The following SNAI3 variants were observed in gnomAD, a reference collection of about 807,000 sequenced individuals.
The protein encoded by SNAI3 is zinc finger protein SNAI3.
A neutral mutation model predicts 16.4 loss-of-function variants in SNAI3; 21 were observed. The ratio of observed to expected loss-of-function variants is 1.28; its 90% CI spans 0.91 to 1.85. The LOEUF (loss-of-function observed/expected upper bound fraction) is 1.85. Ranked by LOEUF, SNAI3 falls within the 40% of genes most tolerant of loss-of-function variation. The pLI is 0.00. For missense variants in SNAI3, 457 were observed against 372.8 expected, an observed-to-expected ratio of 1.23 and a Z score of -1.86; for synonymous variants, 202 against 166.6, an observed-to-expected ratio of 1.21 and a Z score of -1.64.
chr16:88,681,735 G>A lies in SNAI3; in HGVS notation c.77-21C>T. ...GATTTCTAGAGGGGTGGAGGGGAGA[G>A]AATAGAAAGATGAAGACTGAATCCC... On this transcript the variant is annotated intron_variant, in intron 1 of 2. Transcript: ENST00000332281. This position sits in a 1 kb window ranked among gnomAD's most constrained non-coding sequence, Gnocchi z 5.4. 1 of 1,414,940 alleles carries A rather than the reference G, an allele frequency of 7.1e-7. No individual in the cohort carries two copies. The allele number at this position is 1,414,940 out of a possible 1,614,324, so 87.6% of individuals were successfully genotyped here.
intron 1 of SNAI3, chr16:88,685,248 T>C (rs1392815371): frequency 6.6e-6 from 1 of 152,282 alleles, no homozygotes; most frequent in African/African-American, 2.4e-5. Context: ...ACAAAATTGC[T>C]GGGGGTGACT....
intron 1 of SNAI3, among the ~76,000 whole-genome samples, chr16:88,683,239 T>C (rs1193924113): frequency 1.3e-5 from 2 of 151,604 alleles, no homozygotes; most frequent in African/African-American, 2.4e-5. Context: ...ACTACAGGTG[T>C]GCGCCACCAT....
intron 1 of SNAI3, among the ~76,000 whole-genome samples, chr16:88,682,348 C>T (rs114213781): frequency 0.019 from 2,907 of 152,380 alleles, 93 homozygotes; most frequent in African/African-American, 0.066. Context: ...GGCTGGGGTG[C>T]TCTGGCCTGG....
intron 1 of SNAI3, among the ~76,000 whole-genome samples, chr16:88,682,556 T>C (rs1043288510): frequency 6.6e-6 from 1 of 152,192 alleles, no homozygotes; most frequent in African/African-American, 2.4e-5. Flanking sequence ...CCTTTCTTAC[T>C]CTATATGTGT....
chr16:88,678,279 A>C lies in SNAI3; in HGVS notation c.*169T>G, dbSNP rs1909039242. 1 of 555,822 alleles carries C rather than the reference A, an allele frequency of 1.8e-6. No homozygotes were observed. The highest frequency in any genetic ancestry group is 3.1e-6 in the Non-Finnish European group (1 of 318,596). The allele number at this position is 555,822 out of a possible 1,614,324, so 34.4% of individuals were successfully genotyped here. A position where few individuals can be genotyped will look rare whatever the true frequency, so the allele number is the denominator to read the frequency against. On this transcript the variant is annotated 3_prime_UTR_variant, in exon 3 of 3. Coordinates refer to ENST00000332281, the MANE Select transcript of SNAI3 (RefSeq NM_178310.4). ...TGCCTGGGGGAGTGTCCTCCGGCCC[A>C]GTGGCCCCCGCTGGACTTCTTTGGT... is the stretch of plus-strand genomic sequence containing the variant.
chr16:88,681,045 C>T lies in SNAI3; in HGVS notation c.697+49G>A, dbSNP rs558945025. The T allele has an allele frequency of 5.7e-5, 89 of 1,573,458 alleles. 2 individuals are homozygous for T. The East Asian group carries it at 7.0e-4, about 12-fold the overall frequency. ...TCCTTTTCTAACTCCCGCAGCCCACCCTCTTCCCCCAGCCCAGACCGTCCT... is the reference window on the plus strand; with the variant it reads ...TCCTTTTCTAACTCCCGCAGCCCACTCTCTTCCCCCAGCCCAGACCGTCCT... On this transcript the variant is annotated intron_variant, in intron 2 of 2. Transcript: ENST00000332281. This position sits in a 1 kb window ranked among gnomAD's most constrained non-coding sequence, Gnocchi z 5.4.
In SNAI3 at chr16:88,681,262, G is replaced by A. The variant is rs1909155370; in HGVS notation, c.529C>T (p.Leu177=). 1 of 1,613,540 alleles carries A rather than the reference G, an allele frequency of 6.2e-7. No homozygotes were observed. ...LARHRQLHCH[L]QVGRVFTCKY... is the part of the protein sequence containing the mutation. ...CAGGTGAAGACACGCCCCACCTGCAGGTGGCAGTGCAGCTGCCGGTGCCTG... is the reference window on the plus strand; with the variant it reads ...CAGGTGAAGACACGCCCCACCTGCAAGTGGCAGTGCAGCTGCCGGTGCCTG... The change falls in exon 2 of 3, where the codon CTG becomes TTG. Residue 177 remains leucine (L), a synonymous_variant. Coordinates refer to ENST00000332281, the MANE Select transcript of SNAI3 (RefSeq NM_178310.4). This position sits in a 1 kb window ranked among gnomAD's most constrained non-coding sequence, Gnocchi z 5.4.
Position 88,678,593 on chromosome 16 carries a change from GC to G in SNAI3, c.733del (p.Ala245ProfsTer188), listed in dbSNP as rs1909056645. 9.6e-7 allele frequency: 1 copy of G among 1,045,964 alleles called. No homozygotes were observed. The highest frequency in any genetic ancestry group is 1.5e-6 in the Non-Finnish European group (1 of 663,774). 64.8% of individuals were successfully genotyped at this position (1,045,964 alleles called of 1,614,324 possible). ...KPYACSHCSR[A>X]FADRSNLRAH... Reference sequence around the variant, plus strand: ...CCGAAGGTTGGAGCGGTCGGCAAAGGCCCTGCTGCAGTGCGAGCAGGCATAG... The same window carrying G: ...CCGAAGGTTGGAGCGGTCGGCAAAGGCCTGCTGCAGTGCGAGCAGGCATAG... On this transcript the variant is annotated frameshift_variant, in exon 3 of 3. Transcript: ENST00000332281. LOFTEE classifies it high-confidence loss of function.
chr16:88,681,217 ACTC>A lies in SNAI3; in HGVS notation c.571_573del (p.Glu191del), dbSNP rs1216499153. ...ATCTTGAGGGCACCCAGGCTGGTGT[ACTC>A]CTTGTCGCAGTACTTGCAGGTGAAG... On this transcript the variant is annotated inframe_deletion, in exon 2 of 3. Transcript: ENST00000332281. The surrounding 1 kb of genome is among the most constrained non-coding windows in gnomAD (Gnocchi z 5.4). 6.2e-7 allele frequency: 1 copy of A among 1,613,218 alleles called. No homozygotes were observed. Among genetic ancestry groups the A allele is most frequent in the South Asian group, 1.1e-5 (1 of 91,050 alleles).
Position 88,678,224 on chromosome 16 carries a change from T to G in SNAI3, c.*224A>C. 1 of 475,940 alleles carries G rather than the reference T, an allele frequency of 2.1e-6. No homozygotes were observed. Among genetic ancestry groups the G allele is most frequent in the Non-Finnish European group, 3.7e-6 (1 of 267,824 alleles). The allele number at this position is 475,940 out of a possible 1,614,324, so 29.5% of individuals were successfully genotyped here. On this transcript the variant is annotated 3_prime_UTR_variant, in exon 3 of 3. Coordinates refer to ENST00000332281, the MANE Select transcript of SNAI3 (RefSeq NM_178310.4). ...ATGAAAGCCTTCCCCGGGAGAGGAGTCTCCTCTGAGTGGGCTCCGCGCGGT... is the reference window on the plus strand; with the variant it reads ...ATGAAAGCCTTCCCCGGGAGAGGAGGCTCCTCTGAGTGGGCTCCGCGCGGT...
Position 88,686,348 on chromosome 16 carries a change from C to T in SNAI3, c.59G>A (p.Arg20Gln). Residue 20 changes from arginine (R) to glutamine (Q), a missense_variant, in exon 1 of 3, where the codon CGG becomes CAG. Transcript: ENST00000332281. Reference protein sequence around the residue: ...HSSHRVPNYRRLETQREINGA... With the variant: ...HSSHRVPNYRQLETQREINGA... ...GTCAGTACCTCTCTGCGTCTCCAGC[C>T]GCCGGTAGTTGGGGACCCTGTGGCT... is the stretch of plus-strand genomic sequence containing the variant. 2 of 1,612,124 alleles carry T rather than the reference C, an allele frequency of 1.2e-6. No homozygotes were observed. Among genetic ancestry groups the T allele is most frequent in the Non-Finnish European group, 1.7e-6 (2 of 1,179,560 alleles).
chr16:88,686,311 G>A lies in SNAI3; in HGVS notation c.76+20C>T, dbSNP rs764471459. ...CAGGGTCGAGTCCCGGCAGGGGCTC[G>A]GGGATCGGGTAGTCAGTACCTCTCT... On this transcript the variant is annotated intron_variant, in intron 1 of 2. Coordinates refer to ENST00000332281, the MANE Select transcript of SNAI3 (RefSeq NM_178310.4). The A allele has an allele frequency of 1.7e-5, 27 of 1,608,020 alleles. No individual in the cohort carries two copies. In the Middle Eastern group the frequency reaches 5.0e-4, roughly 30 times the overall value.
In SNAI3 at chr16:88,686,447, G is replaced by A. The variant is rs369919248; in HGVS notation, c.-41C>T. On this transcript the variant is annotated 5_prime_UTR_variant, in exon 1 of 3. Transcript: ENST00000332281. ...GGCAGGCCGGGGTGGGCTGGGGCGG[G>A]AGGGGCGCGCCTGGGTCCGGACTGC... The A allele has an allele frequency of 6.3e-7, 1 of 1,596,384 alleles. No homozygotes were observed. The highest frequency in any genetic ancestry group is 8.5e-7 in the Non-Finnish European group (1 of 1,175,102).
chr16:88,682,260 G>C (rs1480129910), intron 1 of SNAI3, among the ~76,000 whole-genome samples: 2 of 152,200 alleles, frequency 1.3e-5, no homozygotes, highest in African/African-American at 4.8e-5. Context: ...TGTGGATAAC[G>C]AGGCAGTGAG....
intron 1 of SNAI3, among the ~76,000 whole-genome samples, chr16:88,682,713 C>G (rs1460816603): frequency 1.4e-5 from 2 of 143,550 alleles, no homozygotes; most frequent in East Asian, 4.0e-4. Flanking sequence ...AGGATGTTAG[C>G]AAGTCGACAA....
chr16:88,682,719 G>A (rs563969949), intron 1 of SNAI3, among the ~76,000 whole-genome samples: 1 of 141,888 alleles, frequency 7.0e-6, no homozygotes. Flanking sequence ...TTAGCAAGTC[G>A]ACAATAAAAA....
Position 88,681,072 on chromosome 16 carries a change from G to A in SNAI3, c.697+22C>T. On this transcript the variant is annotated intron_variant, in intron 2 of 2. Transcript: ENST00000332281. This position sits in a 1 kb window ranked among gnomAD's most constrained non-coding sequence, Gnocchi z 5.4. ...TCTTCCCCCAGCCCAGACCGTCCTT[G>A]CAGACCTTCACCCTGTCCTACCTGT... 4 of 1,593,106 alleles carry A rather than the reference G, an allele frequency of 2.5e-6. No individual in the cohort carries two copies. Among genetic ancestry groups the A allele is most frequent in the Non-Finnish European group, 2.6e-6 (3 of 1,164,056 alleles).
rs71158747 is a variant in SNAI3 at position 88,682,762 on chromosome 16, A to ATTTTTTTTTTTTTT, written c.77-1062_77-1049dup. 4.9e-3 allele frequency among the ~76,000 whole-genome samples: 300 copies of ATTTTTTTTTTTTTT among 60,698 alleles called. 58 individuals are homozygous for ATTTTTTTTTTTTTT. The highest frequency in any genetic ancestry group is 7.7e-3 in the Non-Finnish European group (256 of 33,212). The allele number at this position is 60,698 out of a possible 152,430, so 39.8% of individuals were successfully genotyped here. A position where few individuals can be genotyped will look rare whatever the true frequency, so the allele number is the denominator to read the frequency against. On this transcript the variant is annotated intron_variant, in intron 1 of 2. Coordinates refer to ENST00000332281, the MANE Select transcript of SNAI3 (RefSeq NM_178310.4). Reference sequence around the variant, plus strand: ...AATACAATTTTAATATGGGCAAGGGATTTTTTTTTTTTTTTTTTTTTTTTT... The same window carrying ATTTTTTTTTTTTTT: ...AATACAATTTTAATATGGGCAAGGGATTTTTTTTTTTTTTTTTTTTTTTTTTTTTTTTTTTTTTT...
intron 1 of SNAI3, chr16:88,685,916 GC>G: frequency 5.8e-6 from 1 of 171,140 alleles, no homozygotes. Context: ...GAGCCGGGCC[GC>G]CCCAGACGGC....
Sources: gnomAD v4.1 joint callset for allele counts (sites outside exome capture counted in the v4.1 genomes callset) on GRCh38, gnomAD v4.1.1 for gene constraint, Gnocchi (gnomAD v3.1) non-coding constraint, MANE v1.5 for transcripts, NCBI Gene and HGNC (gene_info 2026-07-23, HGNC 2026-07-21) for gene names.